The following SLC35F3 variants were observed in gnomAD, a reference collection of about 807,000 sequenced individuals.
The protein encoded by SLC35F3 is solute carrier family 35 member F3.
SLC35F3 carries 25 observed loss-of-function variants against 49.9 expected under a neutral mutation model. The observed-to-expected ratio is 0.50, with a 90% CI of 0.37 to 0.70. SLC35F3 has a LOEUF of 0.70. Ranked by LOEUF, SLC35F3 falls within the 30% of genes least tolerant of loss-of-function variation. SLC35F3 has a pLI of 0.00. For missense variants in SLC35F3, 525 were observed against 639.8 expected, an observed-to-expected ratio of 0.82 and a Z score of 1.94; for synonymous variants, 275 against 265.4, an observed-to-expected ratio of 1.04 and a Z score of -0.35.
chr1:233,965,146 G>T (rs1023376505), intron 2 of SLC35F3, among the ~76,000 whole-genome samples: 1 of 152,152 alleles, frequency 6.6e-6, no homozygotes, highest in Admixed American at 6.5e-5. Context: ...TTCCTAAAAT[G>T]TACAACTAAA....
At chr1:233,944,321 T>A (rs1662479101) in intron 2 of SLC35F3, among the ~76,000 whole-genome samples, 1 of 152,212 alleles carries the variant, frequency 6.6e-6, no homozygotes, top group South Asian at 2.1e-4. Context: ...AGTTGAACAC[T>A]TGCTTCATTT....
At chr1:234,173,813 G>A (rs1351631942) in intron 2 of SLC35F3, among the ~76,000 whole-genome samples, 3 of 152,346 alleles carry the variant, frequency 2.0e-5, no homozygotes, top group African/African-American at 7.2e-5. Context: ...GAGAAGGGAA[G>A]CATTGCCTTA....
chr1:234,096,903 T>G (rs907625451), intron 2 of SLC35F3, among the ~76,000 whole-genome samples: 41 of 131,850 alleles, frequency 3.1e-4, no homozygotes, highest in Admixed American at 5.8e-4. Context: ...TTTTTTTTTT[T>G]CTTGAGACGG....
intron 2 of SLC35F3, among the ~76,000 whole-genome samples, chr1:233,921,209 A>G (rs1213985258): frequency 1.3e-5 from 2 of 152,256 alleles, no homozygotes; most frequent in African/African-American, 2.4e-5. Context: ...ATAATAGAAC[A>G]CTATGTAATT....
At chr1:234,138,983 T>A (rs892497279) in intron 2 of SLC35F3, among the ~76,000 whole-genome samples, 6 of 152,360 alleles carry the variant, frequency 3.9e-5, no homozygotes, top group Non-Finnish European at 8.8e-5. Flanking sequence ...TTCTTGAGGC[T>A]GTTGTGAGGA....
chr1:234,069,407 G>A (rs1664680886), intron 2 of SLC35F3, among the ~76,000 whole-genome samples: 2 of 151,364 alleles, frequency 1.3e-5, no homozygotes, highest in African/African-American at 2.4e-5. Flanking sequence ...ACAGGCATGT[G>A]CCACCACACC....
intron 2 of SLC35F3, among the ~76,000 whole-genome samples, chr1:233,984,575 G>C (rs1558196937): frequency 1.3e-5 from 2 of 152,332 alleles, no homozygotes; most frequent in Middle Eastern, 3.4e-3. Flanking sequence ...ACAGGTCAGA[G>C]GTAGACTCAA....
intron 2 of SLC35F3, among the ~76,000 whole-genome samples, chr1:234,056,684 A>AT (rs1236625934): frequency 6.6e-5 from 10 of 151,956 alleles, no homozygotes; most frequent in Admixed American, 1.3e-4. Flanking sequence ...CAATTCATCT[A>AT]TTTTTTCTTT....
intron 3 of SLC35F3, among the ~76,000 whole-genome samples, chr1:234,294,280 A>G (rs1159656610): frequency 6.6e-6 from 1 of 152,186 alleles, no homozygotes; most frequent in African/African-American, 2.4e-5. Flanking sequence ...AGCCGAAGCA[A>G]CGAAGGAACC....
chr1:234,155,405 A>G (rs1210755756), intron 2 of SLC35F3, among the ~76,000 whole-genome samples: 3 of 151,218 alleles, frequency 2.0e-5, no homozygotes, highest in Admixed American at 1.3e-4. Context: ...GATTATTATT[A>G]TTATTATTAT....
In SLC35F3 at chr1:234,214,295, C is replaced by A; in HGVS notation, c.284-17122C>A. ...TGGCTGCGCGGCCGGGGAGGATGTG[C>A]GCTGCAGGGCGGCCGCCGCAGTGAG... On this transcript the variant is annotated intron_variant, in intron 2 of 7. Transcript: ENST00000366618. The surrounding 1 kb of genome is among the most constrained non-coding windows in gnomAD (Gnocchi z 8.0). 1 of 1,286,880 alleles carries A rather than the reference C, an allele frequency of 7.8e-7. No individual in the cohort carries two copies. Among genetic ancestry groups the A allele is most frequent in the Non-Finnish European group, 9.8e-7 (1 of 1,020,682 alleles). The allele number at this position is 1,286,880 out of a possible 1,614,324, so 79.7% of individuals were successfully genotyped here.
intron 2 of SLC35F3, among the ~76,000 whole-genome samples, chr1:234,066,983 T>A (rs1250805367): frequency 6.6e-6 from 1 of 152,180 alleles, no homozygotes; most frequent in Non-Finnish European, 1.5e-5. Context: ...ATAAAGCTAG[T>A]CACTTAAAGG....
chr1:234,147,490 A>G (rs868200574), intron 2 of SLC35F3, among the ~76,000 whole-genome samples: 11 of 151,952 alleles, frequency 7.2e-5, no homozygotes, highest in Admixed American at 2.6e-4. Context: ...TTCTGTTGTA[A>G]TATCTCTGCT....
chr1:234,222,620 A>G (rs1416010307), intron 2 of SLC35F3, among the ~76,000 whole-genome samples: 1 of 152,212 alleles, frequency 6.6e-6, no homozygotes, highest in African/African-American at 2.4e-5. Context: ...AGAAGGCTCC[A>G]GCATGTCCCT....
chr1:234,011,478 G>T (rs975780451), intron 2 of SLC35F3, among the ~76,000 whole-genome samples: 1 of 152,092 alleles, frequency 6.6e-6, no homozygotes, highest in Non-Finnish European at 1.5e-5. Flanking sequence ...AATGGCCAGA[G>T]CCTATCCCAG....
intron 2 of SLC35F3, among the ~76,000 whole-genome samples, chr1:234,037,834 C>T (rs1365917162): frequency 6.6e-6 from 1 of 152,150 alleles, no homozygotes; most frequent in African/African-American, 2.4e-5. Flanking sequence ...GTTTGAGAAA[C>T]AAGAAGGAAG....
At chr1:234,037,860 A>C (rs1664166897) in intron 2 of SLC35F3, among the ~76,000 whole-genome samples, 1 of 152,216 alleles carries the variant, frequency 6.6e-6, no homozygotes, top group South Asian at 2.1e-4. Flanking sequence ...TTGCCTGGTA[A>C]GAGTAGTGAG....
At chr1:233,955,930 C>T (rs944274647) in intron 2 of SLC35F3, among the ~76,000 whole-genome samples, 3 of 143,362 alleles carry the variant, frequency 2.1e-5, no homozygotes, top group Non-Finnish European at 3.0e-5. Context: ...CTCTCTTGCC[C>T]AGGCTGGAGT....
intron 2 of SLC35F3, among the ~76,000 whole-genome samples, chr1:233,926,672 C>T (rs563961978): frequency 1.3e-5 from 2 of 152,228 alleles, no homozygotes; most frequent in African/African-American, 4.8e-5. Context: ...AGCTTTGTTC[C>T]GTTGCTGGCA....
Sources: gnomAD v4.1 joint callset for allele counts (sites outside exome capture counted in the v4.1 genomes callset) on GRCh38, gnomAD v4.1.1 for gene constraint, Gnocchi (gnomAD v3.1) non-coding constraint, MANE v1.5 for transcripts, NCBI Gene and HGNC (gene_info 2026-07-23, HGNC 2026-07-21) for gene names.